The following RNFT2 variants were observed in gnomAD, a reference collection of about 807,000 sequenced individuals.
RNFT2 encodes E3 ubiquitin-protein ligase RNFT2.
In RNFT2, 36 loss-of-function variants were observed where a neutral mutation model predicts 53.0. The observed-to-expected ratio is 0.68, with a 90% CI of 0.52 to 0.90. The LOEUF (loss-of-function observed/expected upper bound fraction) is 0.90. Among genes scored for constraint, RNFT2 ranks in the 40% least tolerant of loss-of-function variants. The pLI, the probability that RNFT2 is intolerant of heterozygous loss-of-function variation, is 0.00. For synonymous variants in RNFT2, 260 were observed against 253.2 expected (o/e 1.03, Z -0.26); for missense variants, 514 against 585.6 (o/e 0.88, Z 1.26).
intron 7 of RNFT2, among the ~76,000 whole-genome samples, chr12:116,783,404 G>A (rs1008333228): frequency 1.2e-4 from 19 of 152,180 alleles, no homozygotes; most frequent in Non-Finnish European, 2.5e-4. Context: ...TCACTCCCTT[G>A]TTAGATAATG....
intron 6 of RNFT2, among the ~76,000 whole-genome samples, chr12:116,771,873 G>A (rs532094033): frequency 5.9e-5 from 9 of 152,270 alleles, no homozygotes; most frequent in South Asian, 4.2e-4. Context: ...CTTTTGAAAC[G>A]AGACGCTTCC....
intron 7 of RNFT2, among the ~76,000 whole-genome samples, chr12:116,807,379 A>C (rs1488044478): frequency 2.6e-5 from 4 of 152,172 alleles, no homozygotes; most frequent in African/African-American, 9.7e-5. Flanking sequence ...GAGTAATAAT[A>C]AATATCCAGT....
At chr12:116,826,005 G>A (rs535309110) in intron 7 of RNFT2, among the ~76,000 whole-genome samples, 2 of 149,622 alleles carry the variant, frequency 1.3e-5, no homozygotes, top group Non-Finnish European at 2.9e-5. Flanking sequence ...TTTCATCTCT[G>A]TCTGTGCATT....
At chr12:116,817,147 C>T (rs1296251255) in intron 7 of RNFT2, among the ~76,000 whole-genome samples, 2 of 152,086 alleles carry the variant, frequency 1.3e-5, no homozygotes, top group Non-Finnish European at 2.9e-5. Context: ...CAAACAGTTG[C>T]GTCTACAGGC....
chr12:116,799,947 G>A (rs1277006724), intron 7 of RNFT2, among the ~76,000 whole-genome samples: 7 of 152,194 alleles, frequency 4.6e-5, no homozygotes, highest in Non-Finnish European at 7.3e-5. Context: ...TGAATCTCAT[G>A]TGAATGGCGT....
intron 7 of RNFT2, among the ~76,000 whole-genome samples, chr12:116,809,612 G>A (rs1299960921): frequency 6.6e-6 from 1 of 152,154 alleles, no homozygotes; most frequent in Non-Finnish European, 1.5e-5. Context: ...GGTCTCTCTG[G>A]TTCCTCAAAG....
At chr12:116,828,414 G>C (rs903713397) in intron 7 of RNFT2, among the ~76,000 whole-genome samples, 9 of 152,170 alleles carry the variant, frequency 5.9e-5, no homozygotes, top group African/African-American at 2.2e-4. Flanking sequence ...ACTTCTCTTA[G>C]ACTTTGTTGA....
At chr12:116,805,084 C>T (rs184030788) in intron 7 of RNFT2, among the ~76,000 whole-genome samples, 167 of 150,466 alleles carry the variant, frequency 1.1e-3, no homozygotes, top group African/African-American at 3.8e-3. Context: ...TCAAGGTGTA[C>T]TAGAGACACA....
chr12:116,844,238 A>G (rs1469809964), intron 10 of RNFT2, among the ~76,000 whole-genome samples: 3 of 150,432 alleles, frequency 2.0e-5, no homozygotes, highest in Non-Finnish European at 4.4e-5. Flanking sequence ...GTTTTGTTTC[A>G]TTTTGTTTTT....
Position 116,829,320 on chromosome 12 carries a change from A to G in RNFT2, c.883-4472A>G, listed in dbSNP as rs189176296. Among the ~76,000 whole-genome samples the G allele has an allele frequency of 5.1e-4, 78 of 152,212 alleles. 1 individual carries two copies. The highest frequency in any genetic ancestry group is 4.6e-3 in the Admixed American group (70 of 15,284). The stretch of plus-strand genomic sequence containing the variant: ...AAAACAAACATGACGGCCACCCCCT[A>G]CATCTCTGTACTCCAGTCACCCCCC... On this transcript the variant is annotated intron_variant, in intron 7 of 10. Transcript: ENST00000257575.
intron 6 of RNFT2, among the ~76,000 whole-genome samples, chr12:116,776,492 A>G (rs1873435966): frequency 6.6e-6 from 1 of 152,184 alleles, no homozygotes; most frequent in African/African-American, 2.4e-5. Context: ...TATGACCTGG[A>G]TGACCACTCC....
chr12:116,841,794 A>AATATATATATAAAT (rs1565875897), intron 10 of RNFT2, among the ~76,000 whole-genome samples: 1 of 94,676 alleles, frequency 1.1e-5, no homozygotes, highest in Non-Finnish European at 1.8e-5. Flanking sequence ...TATATATATA[A>AATATATATATAAAT]ATATATATAT....
chr12:116,782,548 AT>A (rs1294508360), intron 7 of RNFT2, among the ~76,000 whole-genome samples: 2 of 152,134 alleles, frequency 1.3e-5, no homozygotes, highest in African/African-American at 4.8e-5. Flanking sequence ...AAAATAAAAA[AT>A]GTAAATAAAA....
chr12:116,786,916 A>G (rs1873958735), intron 7 of RNFT2, among the ~76,000 whole-genome samples: 1 of 152,030 alleles, frequency 6.6e-6, no homozygotes, highest in Admixed American at 6.6e-5. Context: ...CTCTGCCCCC[A>G]TGGCCACATG....
chr12:116,803,888 C>G (rs1000893163), intron 7 of RNFT2, among the ~76,000 whole-genome samples: 1 of 152,214 alleles, frequency 6.6e-6, no homozygotes, highest in African/African-American at 2.4e-5. Flanking sequence ...GGCAGTGGTG[C>G]AGAACACTTC....
chr12:116,771,952 C>T (rs1260399326), intron 6 of RNFT2, among the ~76,000 whole-genome samples: 1 of 152,212 alleles, frequency 6.6e-6, no homozygotes, highest in African/African-American at 2.4e-5. Flanking sequence ...CTCGAACGGT[C>T]AACAGTTTCC....
At chr12:116,809,681 T>C (rs1490330874) in intron 7 of RNFT2, among the ~76,000 whole-genome samples, 1 of 150,700 alleles carries the variant, frequency 6.6e-6, no homozygotes, top group Non-Finnish European at 1.5e-5. Flanking sequence ...AGACCTTTTC[T>C]TTTTTTTTGA....
At chr12:116,798,758 T>C (rs1334144541) in intron 7 of RNFT2, among the ~76,000 whole-genome samples, 1 of 152,016 alleles carries the variant, frequency 6.6e-6, no homozygotes, top group Non-Finnish European at 1.5e-5. Flanking sequence ...CTTTTTTTGG[T>C]AGAGACGGGG....
At chr12:116,846,820 C>G (rs1422833050) in intron 10 of RNFT2, among the ~76,000 whole-genome samples, 1 of 151,630 alleles carries the variant, frequency 6.6e-6, no homozygotes, top group Non-Finnish European at 1.5e-5. Context: ...TTAGATTCTT[C>G]ATCCCTAAAT....
Sources: gnomAD v4.1 joint callset for allele counts (sites outside exome capture counted in the v4.1 genomes callset) on GRCh38, gnomAD v4.1.1 for gene constraint, MANE v1.5 for transcripts, NCBI Gene and HGNC (gene_info 2026-07-23, HGNC 2026-07-21) for gene names.